Variants in NUDCD1 observed in about 807,000 individuals in gnomAD.
NUDCD1 encodes NudC domain containing 1.
NUDCD1 carries 60 observed loss-of-function variants against 67.8 expected under a neutral mutation model. The observed-to-expected ratio is 0.88, with a 90% CI of 0.72 to 1.10. The LOEUF is 1.10. NUDCD1 is among the 50% of genes least tolerant of loss of function. The pLI is 0.00. For synonymous variants in NUDCD1, 244 were observed against 230.8 expected, an observed-to-expected ratio of 1.06 and a Z score of -0.52; for missense variants, 643 against 695.0, an observed-to-expected ratio of 0.93 and a Z score of 0.84.
chr8:109,264,723 CTG>C (rs1221718579), intron 8 of NUDCD1, among the ~76,000 whole-genome samples: 3 of 152,020 alleles, frequency 2.0e-5, no homozygotes, highest in Non-Finnish European at 4.4e-5. Flanking sequence ...CTATAGGAAT[CTG>C]AATATATTTC....
At chr8:109,329,029 C>T (rs948173932) in intron 1 of NUDCD1, among the ~76,000 whole-genome samples, 1 of 150,868 alleles carries the variant, frequency 6.6e-6, no homozygotes, top group African/African-American at 2.4e-5. Flanking sequence ...TAAGTAGAAG[C>T]AAGAAAGATG....
intron 7 of NUDCD1, among the ~76,000 whole-genome samples, chr8:109,272,780 T>C (rs1814186569): frequency 6.6e-6 from 1 of 152,138 alleles, no homozygotes; most frequent in South Asian, 2.1e-4. Flanking sequence ...AGCTGGGATA[T>C]GGAACCACCT....
chr8:109,254,668 C>T (rs1406327207), intron 8 of NUDCD1, among the ~76,000 whole-genome samples: 4 of 152,048 alleles, frequency 2.6e-5, no homozygotes, highest in African/African-American at 9.7e-5. Context: ...GAAAATTTGG[C>T]ATGCATTTCA....
At chr8:109,259,251 G>T (rs966183384) in intron 8 of NUDCD1, among the ~76,000 whole-genome samples, 17 of 152,314 alleles carry the variant, frequency 1.1e-4, no homozygotes, top group African/African-American at 4.1e-4. Context: ...AGGCTTACTG[G>T]CCATCTCCAC....
chr8:109,265,329 GA>G (rs935620770), intron 8 of NUDCD1, among the ~76,000 whole-genome samples: 9 of 149,394 alleles, frequency 6.0e-5, no homozygotes, highest in South Asian at 2.1e-4. Context: ...AATATGGAGG[GA>G]AAAAAAAAGA....
chr8:109,259,528 G>A (rs1813818763), intron 8 of NUDCD1, among the ~76,000 whole-genome samples: 1 of 152,184 alleles, frequency 6.6e-6, no homozygotes, highest in Non-Finnish European at 1.5e-5. Context: ...CTTACAGGTT[G>A]ATTAACAAGG....
chr8:109,247,692 C>G (rs1204466235), intron 8 of NUDCD1, among the ~76,000 whole-genome samples: 1 of 151,926 alleles, frequency 6.6e-6, no homozygotes, highest in African/African-American at 2.4e-5. Context: ...TTTTTTTTAC[C>G]TGATAGATTC....
At chr8:109,282,020 G>A (rs1476658874) in intron 5 of NUDCD1, among the ~76,000 whole-genome samples, 5 of 152,196 alleles carry the variant, frequency 3.3e-5, no homozygotes, top group Non-Finnish European at 7.3e-5. Flanking sequence ...CCTGTCCAGA[G>A]AACTTGGGGC....
At chr8:109,332,127 G>C (rs1815819549) in intron 1 of NUDCD1, among the ~76,000 whole-genome samples, 1 of 152,138 alleles carries the variant, frequency 6.6e-6, no homozygotes, top group Non-Finnish European at 1.5e-5. Context: ...AAACATCACT[G>C]TTTTCAAGGA....
At chr8:109,246,284 G>A (rs550350955) in intron 8 of NUDCD1, among the ~76,000 whole-genome samples, 1 of 152,120 alleles carries the variant, frequency 6.6e-6, no homozygotes, top group African/African-American at 2.4e-5. Context: ...CAGAATTTAT[G>A]AGCACACTCT....
At chr8:109,314,177 C>G (rs534577246) in intron 2 of NUDCD1, among the ~76,000 whole-genome samples, 1 of 152,280 alleles carries the variant, frequency 6.6e-6, no homozygotes, top group East Asian at 1.9e-4. Context: ...ATGTCCAGCT[C>G]TCACATAATC....
chr8:109,322,574 G>C, intron 1 of NUDCD1, 111 bp from the exon 2 acceptor site: 1 of 710,666 alleles, frequency 1.4e-6, no homozygotes, highest in Non-Finnish European at 2.4e-6. Flanking sequence ...CAATCACAAA[G>C]GCCTTCAGGA....
intron 1 of NUDCD1, 77 bp from the exon 2 acceptor site, chr8:109,322,540 G>GA: frequency 2.8e-6 from 3 of 1,086,556 alleles, no homozygotes; most frequent in African/African-American, 1.6e-5. Context: ...TGCCTACAAG[G>GA]CAAAAAAAAA....
chr8:109,265,367 C>A (rs1040193818), intron 8 of NUDCD1, among the ~76,000 whole-genome samples: 3 of 151,874 alleles, frequency 2.0e-5, no homozygotes, highest in African/African-American at 7.3e-5. Context: ...AGACCAAAAA[C>A]CACTGGTTTA....
At chr8:109,273,432 G>A (rs536333541) in intron 7 of NUDCD1, among the ~76,000 whole-genome samples, 84 of 152,164 alleles carry the variant, frequency 5.5e-4, no homozygotes, top group Non-Finnish European at 1.0e-3. Flanking sequence ...TGCTTAGAAG[G>A]ATATGTACAA....
intron 5 of NUDCD1, among the ~76,000 whole-genome samples, chr8:109,282,062 T>C (rs1376833118): frequency 6.6e-6 from 1 of 152,158 alleles, no homozygotes; most frequent in African/African-American, 2.4e-5. Context: ...CACTTAGGTA[T>C]GCCTCTGGGC....
At chr8:109,329,784 A>G in intron 1 of NUDCD1, 1 of 1,546,848 alleles carries the variant, frequency 6.5e-7, no homozygotes, top group African/African-American at 1.4e-5. Flanking sequence ...AATTTGTGAG[A>G]CAAATTTATG....
At chr8:109,252,159 G>A (rs544761948) in intron 8 of NUDCD1, among the ~76,000 whole-genome samples, 1 of 152,174 alleles carries the variant, frequency 6.6e-6, no homozygotes, top group East Asian at 1.9e-4. Context: ...TTCCTAGCCT[G>A]ATGGTGAGGG....
intron 2 of NUDCD1, among the ~76,000 whole-genome samples, chr8:109,321,094 G>T (rs1815522876): frequency 6.6e-6 from 1 of 152,176 alleles, no homozygotes; most frequent in Non-Finnish European, 1.5e-5. Context: ...CATGGATTTT[G>T]CCATGAAGGA....
Sources: allele counts gnomAD v4.1 joint callset (sites outside exome capture counted in the v4.1 genomes callset), GRCh38; gene constraint gnomAD v4.1.1; transcripts MANE v1.5; gene names NCBI Gene and HGNC (gene_info 2026-07-23, HGNC 2026-07-21).